POTEM: variants seen among roughly 807,000 people sequenced by gnomAD.
The protein encoded by POTEM is POTE ankyrin domain family member M.
For missense variants in POTEM, 24 were observed against 343.0 expected, an observed-to-expected ratio of 0.07 and a Z score of 7.35; for synonymous variants, 8 against 113.2, an observed-to-expected ratio of 0.07 and a Z score of 5.90.
intron 9 of POTEM, among the ~76,000 whole-genome samples, chr14:18,991,223 C>T (rs1365362618): frequency 5.2e-5 from 6 of 115,486 alleles, no homozygotes; most frequent in Admixed American, 4.7e-4. Flanking sequence ...TAGTGATTTC[C>T]AAATGCATGT....
chr14:18,968,709 G>T (rs61976411), intron 1 of POTEM, among the ~76,000 whole-genome samples: 1 of 147,194 alleles, frequency 6.8e-6, no homozygotes, highest in African/African-American at 2.5e-5. Flanking sequence ...TGTAGTCCCA[G>T]CTACTCAGGA....
Position 18,978,223 on chromosome 14 carries a change from TG to T in POTEM, c.1055+621del, listed in dbSNP as rs1891016107. 3 of 153,408 alleles carry T rather than the reference TG, an allele frequency of 2.0e-5. 1 individual carries two copies. The highest frequency in any genetic ancestry group is 4.2e-5 in the Non-Finnish European group (3 of 72,014). 9.5% of individuals were successfully genotyped at this position (153,408 alleles called of 1,614,324 possible). ...TTGATACAGTGACTTTGATGTTTTT[TG>T]TTCCCATACCTATGGTTATATGCTC... On this transcript the variant is annotated intron_variant, in intron 5 of 10. Coordinates refer to ENST00000547889, the MANE Select transcript of POTEM (RefSeq NM_001145442.1).
chr14:18,969,295 A>G (rs1890843289), intron 1 of POTEM, among the ~76,000 whole-genome samples: 1 of 117,472 alleles, frequency 8.5e-6, no homozygotes, highest in Non-Finnish European at 1.8e-5. Context: ...ACATGTATAT[A>G]TATGTATATA....
chr14:18,993,054 G>A (rs1891263947), intron 9 of POTEM, among the ~76,000 whole-genome samples: 1 of 69,108 alleles, frequency 1.4e-5, no homozygotes, highest in Admixed American at 1.4e-4. Flanking sequence ...GTGCCATGAT[G>A]CCAGGCTAAT....
rs1476753216 is a variant in POTEM at position 19,002,706 on chromosome 14, C to T, written c.*4041C>T. 4.6e-5 allele frequency among the ~76,000 whole-genome samples: 7 copies of T among 152,236 alleles called. No homozygotes were observed. Among genetic ancestry groups the T allele is most frequent in the Admixed American group, 1.3e-4 (2 of 15,290 alleles). On this transcript the variant is annotated 3_prime_UTR_variant, in exon 11 of 11. Transcript: ENST00000547889. ...ATACCATAGTTTCTGTGCTAGTGGACCGTACCATATCAGTGGAGAGCTGCA... is the reference window on the plus strand; with the variant it reads ...ATACCATAGTTTCTGTGCTAGTGGATCGTACCATATCAGTGGAGAGCTGCA...
intron 1 of POTEM, among the ~76,000 whole-genome samples, chr14:18,968,608 CAGG>C (rs1237400000): frequency 7.5e-6 from 1 of 133,314 alleles, no homozygotes; most frequent in Non-Finnish European, 1.6e-5. Context: ...ATCATGGGAT[CAGG>C]AGATCGAGAC....
intron 1 of POTEM, among the ~76,000 whole-genome samples, chr14:18,969,314 T>TAC (rs1890845980): frequency 7.8e-5 from 5 of 64,404 alleles, no homozygotes; most frequent in African/African-American, 1.7e-4. Flanking sequence ...TACGTATATA[T>TAC]ATGTATATAT....
intron 7 of POTEM, among the ~76,000 whole-genome samples, chr14:18,985,848 T>G: frequency 7.5e-6 from 1 of 133,862 alleles, no homozygotes; most frequent in Admixed American, 8.2e-5. Context: ...GAGCTTGCAG[T>G]GAGCCGAGAT....
intron 8 of POTEM, among the ~76,000 whole-genome samples, chr14:18,987,700 G>C (rs1308483451): frequency 1.3e-5 from 2 of 151,828 alleles, no homozygotes; most frequent in Non-Finnish European, 3.0e-5. Flanking sequence ...GAGCACCTTC[G>C]TGTTTTTGAT....
chr14:18,968,525 G>A (rs549746450), intron 1 of POTEM, among the ~76,000 whole-genome samples: 1 of 151,506 alleles, frequency 6.6e-6, no homozygotes, highest in Non-Finnish European at 1.5e-5. Context: ...ATTTTCTGAA[G>A]ATGTGAGCTT....
chr14:18,975,440 G>A (rs1346315708), intron 3 of POTEM, among the ~76,000 whole-genome samples: 49 of 143,922 alleles, frequency 3.4e-4, no homozygotes, highest in African/African-American at 1.2e-3. Flanking sequence ...TATTAAGAAT[G>A]CAGATAGGAA....
At chr14:18,969,268 T>C (rs1890840587) in intron 1 of POTEM, among the ~76,000 whole-genome samples, 1 of 131,580 alleles carries the variant, frequency 7.6e-6, no homozygotes, top group South Asian at 2.4e-4. Context: ...CCTATTTACA[T>C]ATGCAGATAT....
At chr14:18,985,968 A>G (rs1234350894) in intron 7 of POTEM, among the ~76,000 whole-genome samples, 3 of 91,278 alleles carry the variant, frequency 3.3e-5, no homozygotes, top group Admixed American at 2.1e-4. Context: ...TAATAAATTC[A>G]GCAACCTTAT....
At chr14:18,980,038 AAATAGT>A (rs1891042830) in intron 5 of POTEM, 30 bp from the exon 6 acceptor site, 2 of 648,480 alleles carry the variant, frequency 3.1e-6, no homozygotes, top group Admixed American at 2.9e-5. Flanking sequence ...ATCAGTATTA[AAATAGT>A]AATTTGGTTT....
At chr14:18,996,274 A>C (rs1190089208) in intron 9 of POTEM, among the ~76,000 whole-genome samples, 1 of 151,034 alleles carries the variant, frequency 6.6e-6, no homozygotes, top group Non-Finnish European at 1.5e-5. Flanking sequence ...TAAAAACATA[A>C]TATTAGACCC....
At chr14:18,985,989 A>C (rs1174238291) in intron 7 of POTEM, among the ~76,000 whole-genome samples, 1 of 72,210 alleles carries the variant, frequency 1.4e-5, no homozygotes, top group Non-Finnish European at 3.0e-5. Context: ...TAAAAGAATC[A>C]ATAGGTTCTA....
chr14:18,985,917 A>G (rs1418654354), intron 7 of POTEM, among the ~76,000 whole-genome samples: 1 of 129,968 alleles, frequency 7.7e-6, no homozygotes, highest in African/African-American at 3.3e-5. Context: ...AAAAAAAAAA[A>G]AAAAAAAAAA....
rs879575523 is a variant in POTEM, at chr14:18,999,518, C to T, written c.*853C>T. On this transcript the variant is annotated 3_prime_UTR_variant, in exon 11 of 11. Coordinates refer to ENST00000547889, the MANE Select transcript of POTEM (RefSeq NM_001145442.1). The stretch of plus-strand genomic sequence containing the variant: ...TGCGTGACATCACAGAGAAGCTGTG[C>T]TATGTTGCCCTGGACTTCGAGCAGG... 9.3e-3 allele frequency among the ~76,000 whole-genome samples: 864 copies of T among 92,814 alleles called. No individual in the cohort carries two copies. The highest frequency in any genetic ancestry group is 0.025 in the Middle Eastern group (4 of 162). 60.9% of individuals were successfully genotyped at this position (92,814 alleles called of 152,430 possible).
At chr14:18,985,925 AAAAAT>A (rs1891172456) in intron 7 of POTEM, among the ~76,000 whole-genome samples, 1 of 105,392 alleles carries the variant, frequency 9.5e-6, no homozygotes, top group Non-Finnish European at 2.0e-5. Flanking sequence ...AAAAAAAAAA[AAAAAT>A]ATTTTAATAG....
Sources: gnomAD v4.1 joint callset for allele counts (sites outside exome capture counted in the v4.1 genomes callset) on GRCh38, gnomAD v4.1.1 for gene constraint, MANE v1.5 for transcripts, NCBI Gene and HGNC (gene_info 2026-07-23, HGNC 2026-07-21) for gene names.